ZNF385D: variants seen among roughly 807,000 people sequenced by gnomAD.
The protein encoded by ZNF385D is zinc finger protein 659.
A neutral mutation model predicts 35.8 loss-of-function variants in ZNF385D; 15 were observed. The ratio of observed to expected loss-of-function variants is 0.42; its 90% confidence interval spans 0.28 to 0.64. The LOEUF is 0.64. ZNF385D is among the 30% of genes least tolerant of loss of function. ZNF385D has a pLI of 0.23. For missense variants in ZNF385D, 474 were observed against 494.6 expected (o/e 0.96, Z 0.39); for synonymous variants, 212 against 186.8 (o/e 1.13, Z -1.10).
intron 2 of ZNF385D, among the ~76,000 whole-genome samples, chr3:22,255,465 A>G (rs1700269344): frequency 6.6e-6 from 1 of 151,910 alleles, no homozygotes; most frequent in South Asian, 2.1e-4. Context: ...TAACAAGTCT[A>G]GATAAATCTT....
At chr3:22,083,530 G>GA (rs1192023106) in intron 3 of ZNF385D, among the ~76,000 whole-genome samples, 2 of 152,058 alleles carry the variant, frequency 1.3e-5, no homozygotes, top group African/African-American at 2.4e-5. Flanking sequence ...GAAGTTTAGA[G>GA]AAAAAAGAGT....
intron 3 of ZNF385D, among the ~76,000 whole-genome samples, chr3:21,789,955 C>A (rs544457822): frequency 6.6e-6 from 1 of 152,294 alleles, no homozygotes; most frequent in African/African-American, 2.4e-5. Context: ...TTGGCTAACA[C>A]AGTCAGACTT....
At chr3:21,810,190 T>A (rs767691063) in intron 3 of ZNF385D, among the ~76,000 whole-genome samples, 1 of 152,120 alleles carries the variant, frequency 6.6e-6, no homozygotes, top group Non-Finnish European at 1.5e-5. Context: ...GAAAAATACA[T>A]CATGATCAAT....
At chr3:22,199,699 C>A (rs1042561674) in intron 2 of ZNF385D, among the ~76,000 whole-genome samples, 1 of 152,070 alleles carries the variant, frequency 6.6e-6, no homozygotes, top group African/African-American at 2.4e-5. Flanking sequence ...AATTTTAAGT[C>A]AATTTCCTAA....
Position 22,168,881 on chromosome 3 carries a change from G to T in ZNF385D, c.261C>A (p.Tyr87Ter). ...ATCTCTTTTGATGTGATTTGCCATT[G>T]TAGTGGATTTGTGCTTGAGCGGCTG... Residue 87 changes from tyrosine (Y) to a stop codon, truncating the protein, a stop_gained, in exon 3 of 6, where the codon TAC becomes TAA. Transcript: ENST00000494108. LOFTEE classifies it high-confidence loss of function. The T allele has an allele frequency of 1.0e-6, 1 of 985,836 alleles. No individual in the cohort carries two copies. The highest frequency in any genetic ancestry group is 1.2e-6 in the Non-Finnish European group (1 of 829,920). 61.1% of individuals were successfully genotyped at this position (985,836 alleles called of 1,614,324 possible). A position where few individuals can be genotyped will look rare whatever the true frequency, so the allele number is the denominator to read the frequency against.
intron 1 of ZNF385D, among the ~76,000 whole-genome samples, chr3:21,726,004 G>A (rs949381929): frequency 6.6e-6 from 1 of 152,156 alleles, no homozygotes; most frequent in Non-Finnish European, 1.5e-5. Flanking sequence ...TCATACCTGG[G>A]AGGCAAGGCT....
At chr3:21,790,482 A>G (rs1217884771) in intron 3 of ZNF385D, among the ~76,000 whole-genome samples, 2 of 152,206 alleles carry the variant, frequency 1.3e-5, no homozygotes, top group African/African-American at 4.8e-5. Flanking sequence ...AATATTTTCT[A>G]TAGTTATACT....
At chr3:21,585,952 T>C (rs1384840160) in intron 2 of ZNF385D, among the ~76,000 whole-genome samples, 1 of 152,084 alleles carries the variant, frequency 6.6e-6, no homozygotes, top group African/African-American at 2.4e-5. Flanking sequence ...GGGAACTACT[T>C]GAAGCCAAGA....
intron 3 of ZNF385D, among the ~76,000 whole-genome samples, chr3:21,917,217 A>C (rs943434172): frequency 2.0e-5 from 3 of 152,146 alleles, no homozygotes; most frequent in Admixed American, 1.3e-4. Flanking sequence ...GGATCACTTG[A>C]GGTCAGGAGT....
intron 2 of ZNF385D, among the ~76,000 whole-genome samples, chr3:22,301,410 G>T (rs544475622): frequency 6.6e-5 from 10 of 152,056 alleles, no homozygotes; most frequent in African/African-American, 2.2e-4. Context: ...TAAAAATTGC[G>T]AGGTGAGTGA....
chr3:21,519,081 T>G (rs996326222), intron 3 of ZNF385D, among the ~76,000 whole-genome samples: 3 of 152,032 alleles, frequency 2.0e-5, no homozygotes, highest in Admixed American at 6.6e-5. Context: ...TCTTCTGTAC[T>G]CTTCAATACA....
intron 3 of ZNF385D, among the ~76,000 whole-genome samples, chr3:21,867,425 A>T (rs528087963): frequency 6.6e-6 from 1 of 152,264 alleles, no homozygotes; most frequent in South Asian, 2.1e-4. Context: ...CAAGGCTGAG[A>T]ACTAATCAGT....
intron 3 of ZNF385D, among the ~76,000 whole-genome samples, chr3:22,007,708 T>A (rs1012590004): frequency 1.3e-5 from 2 of 152,162 alleles, no homozygotes; most frequent in Non-Finnish European, 2.9e-5. Flanking sequence ...TTCAGTATAG[T>A]TTTAGTTTAC....
intron 3 of ZNF385D, among the ~76,000 whole-genome samples, chr3:21,529,724 A>G (rs930620532): frequency 1.3e-5 from 2 of 152,216 alleles, no homozygotes; most frequent in Admixed American, 1.3e-4. Context: ...GGAGCTGAGC[A>G]TTAGTCATTA....
chr3:21,758,662 T>C (rs534954166), intron 3 of ZNF385D, among the ~76,000 whole-genome samples: 4 of 152,252 alleles, frequency 2.6e-5, no homozygotes, highest in South Asian at 4.1e-4. Flanking sequence ...GATTAATTGA[T>C]AGTCCTGATC....
intron 3 of ZNF385D, among the ~76,000 whole-genome samples, chr3:21,896,835 A>T (rs1325251916): frequency 1.9e-4 from 26 of 135,674 alleles, no homozygotes; most frequent in African/African-American, 5.2e-4. Flanking sequence ...TTTTTTTTTT[A>T]AATGCTTAAA....
intron 2 of ZNF385D, among the ~76,000 whole-genome samples, chr3:22,241,717 T>G (rs1212233496): frequency 2.6e-5 from 4 of 150,950 alleles, no homozygotes; most frequent in African/African-American, 9.8e-5. Context: ...TTCCATATTG[T>G]TTTAACTTAG....
At chr3:21,942,610 G>A (rs1701576088) in intron 3 of ZNF385D, 1 of 152,176 alleles carries the variant, frequency 6.6e-6, no homozygotes, top group South Asian at 2.1e-4. Flanking sequence ...GTGATGAAGT[G>A]CTGTTGACAG....
chr3:21,821,227 A>AT (rs937737178), intron 3 of ZNF385D, among the ~76,000 whole-genome samples: 1 of 152,056 alleles, frequency 6.6e-6, no homozygotes, highest in Non-Finnish European at 1.5e-5. Context: ...ATAAATTTAG[A>AT]TGAAAAAAAA....
Sources: allele counts gnomAD v4.1 joint callset (sites outside exome capture counted in the v4.1 genomes callset), GRCh38; gene constraint gnomAD v4.1.1; transcripts MANE v1.5; gene names NCBI Gene and HGNC (gene_info 2026-07-23, HGNC 2026-07-21).